CAMKK2: variants seen among roughly 807,000 people sequenced by gnomAD.
CAMKK2 encodes the protein calcium/calmodulin dependent protein kinase kinase 2.
Under a neutral mutation model 67.2 loss-of-function variants are expected in CAMKK2, and 30 were observed. That is an observed-to-expected ratio of 0.45 (90% CI 0.33 to 0.61). The LOEUF is 0.61. CAMKK2 is among the 20% of genes least tolerant of loss of function. CAMKK2 has a pLI of 0.02. For missense variants in CAMKK2, 643 were observed against 802.0 expected (o/e 0.80, Z 2.39); for synonymous variants, 322 against 326.2 (o/e 0.99, Z 0.14).
intron 7 of CAMKK2, among the ~76,000 whole-genome samples, chr12:121,256,537 T>A (rs916751002): frequency 6.6e-6 from 1 of 152,138 alleles, no homozygotes; most frequent in African/African-American, 2.4e-5. Flanking sequence ...CTCATACCCA[T>A]TAGCAGTCAC....
chr12:121,256,934 G>C (rs1206787362), intron 7 of CAMKK2, among the ~76,000 whole-genome samples: 1 of 151,966 alleles, frequency 6.6e-6, no homozygotes, highest in East Asian at 1.9e-4. Context: ...CCTAGGAGTG[G>C]AATTTCTGGG....
chr12:121,260,597 A>C, intron 6 of CAMKK2: 1 of 548,490 alleles, frequency 1.8e-6, no homozygotes, highest in Non-Finnish European at 3.2e-6. Flanking sequence ...AACACTCAGG[A>C]GGTCGCAAAA....
chr12:121,240,490 C>G lies in CAMKK2; in HGVS notation c.*209G>C, dbSNP rs1281557590. ...TCCTCACACCCGCCTGTCCAGCCAGCCAGCGGCCACGGTCGACGTCATGGA... is the reference window on the plus strand; with the variant it reads ...TCCTCACACCCGCCTGTCCAGCCAGGCAGCGGCCACGGTCGACGTCATGGA... On this transcript the variant is annotated 3_prime_UTR_variant, in exon 17 of 17. Coordinates refer to ENST00000404169, the MANE Select transcript of CAMKK2 (RefSeq NM_001270485.2). This position sits in a 1 kb window ranked among gnomAD's most constrained non-coding sequence, Gnocchi z 4.4. The G allele has an allele frequency of 3.3e-6, 5 of 1,535,544 alleles. No homozygotes were observed. The highest frequency in any genetic ancestry group is 4.4e-6 in the Non-Finnish European group (5 of 1,146,862).
intron 5 of CAMKK2, among the ~76,000 whole-genome samples, chr12:121,267,337 C>T (rs866854425): frequency 1.2e-4 from 18 of 151,644 alleles, no homozygotes; most frequent in Admixed American, 1.3e-4. Flanking sequence ...TGATCTCAAA[C>T]TCCTGACCTC....
chr12:121,295,675 T>C (rs1284474223), intron 1 of CAMKK2, among the ~76,000 whole-genome samples: 1 of 152,108 alleles, frequency 6.6e-6, no homozygotes, highest in Non-Finnish European at 1.5e-5. Flanking sequence ...TGTAGGGAGA[T>C]GGACGCTGCA....
intron 3 of CAMKK2, among the ~76,000 whole-genome samples, chr12:121,270,216 A>G (rs929280097): frequency 6.6e-6 from 1 of 152,088 alleles, no homozygotes; most frequent in Non-Finnish European, 1.5e-5. Context: ...CAAAAATTAC[A>G]AAAATTAGCC....
At chr12:121,249,897 G>T in intron 12 of CAMKK2, 23 bp from the exon 13 acceptor site, 1 of 1,612,444 alleles carries the variant, frequency 6.2e-7, no homozygotes, top group Non-Finnish European at 8.5e-7. Flanking sequence ...AGGCGTCAGG[G>T]TGGCAGACAC....
chr12:121,273,539 G>A (rs1052120011), intron 2 of CAMKK2, among the ~76,000 whole-genome samples: 2 of 152,052 alleles, frequency 1.3e-5, no homozygotes, highest in Non-Finnish European at 2.9e-5. Flanking sequence ...GCCAACACAC[G>A]CTCGGCCAGG....
Position 121,245,187 on chromosome 12 carries a change from G to A in CAMKK2, c.1506C>T (p.Gly502=). The change falls in exon 15 of 17, where the codon GGC becomes GGT. Residue 502 remains glycine (G), a synonymous_variant. Transcript: ENST00000404169. The surrounding 1 kb of genome is among the most constrained non-coding windows in gnomAD (Gnocchi z 5.8). The part of the protein sequence containing the change: ...RKRSFGNPFE[G]SRREERSLSA... ...ACAGTGAGCGTTCCTCCCGCCGGCT[G>A]CCCTCGAATGGGTTCCCAAAGGAGC... The A allele has an allele frequency of 6.2e-7, 1 of 1,609,130 alleles. No individual in the cohort carries two copies.
intron 1 of CAMKK2, among the ~76,000 whole-genome samples, chr12:121,287,031 A>T (rs1277630808): frequency 1.3e-5 from 2 of 152,046 alleles, no homozygotes; most frequent in Non-Finnish European, 2.9e-5. Flanking sequence ...TTACCTCCCA[A>T]GTATCTGGGA....
intron 11 of CAMKK2, 143 bp downstream of exon 11, chr12:121,252,518 A>G (rs1473579834): frequency 2.3e-5 from 11 of 477,642 alleles, no homozygotes; most frequent in African/African-American, 1.8e-4. Flanking sequence ...TCAGCCTCCC[A>G]AAGTGCTGGG....
Position 121,250,048 on chromosome 12 carries a change from A to AAT in CAMKK2, c.1162-15_1162-14insAT. Reference sequence around the variant, plus strand: ...CATGAATGGGCACTGCAAAGAGGCCAGGGACAGAGTGGCAGTCAATGGCGG... The same window carrying AAT: ...CATGAATGGGCACTGCAAAGAGGCCAATGGGACAGAGTGGCAGTCAATGGCGG... On this transcript the variant is annotated splice_polypyrimidine_tract_variant and intron_variant, in intron 11 of 16. Coordinates refer to ENST00000404169, the MANE Select transcript of CAMKK2 (RefSeq NM_001270485.2). The AAT allele has an allele frequency of 6.2e-7, 1 of 1,607,394 alleles. No individual in the cohort carries two copies.
chr12:121,258,695 G>A (rs902002006), intron 7 of CAMKK2, among the ~76,000 whole-genome samples: 1 of 152,040 alleles, frequency 6.6e-6, no homozygotes, highest in Non-Finnish European at 1.5e-5. Context: ...CTGCCACCTC[G>A]AGTTGTGAAA....
chr12:121,295,222 G>A (rs1900906575), intron 1 of CAMKK2, among the ~76,000 whole-genome samples: 1 of 152,126 alleles, frequency 6.6e-6, no homozygotes, highest in South Asian at 2.1e-4. Context: ...ATCAAATGAT[G>A]GCTATTACTC....
chr12:121,296,767 G>T (rs868044883), upstream of CAMKK2: 1 of 146,732 alleles, frequency 6.8e-6, no homozygotes, highest in South Asian at 2.1e-4. This position sits in a 1 kb window ranked among gnomAD's most constrained non-coding sequence, Gnocchi z 7.1. Flanking sequence ...GGGCGGGGGC[G>T]GGAGGAGCCG....
In CAMKK2 at chr12:121,248,599, A is replaced by G; in HGVS notation, c.1452+7T>C. Reference sequence around the variant, plus strand: ...CCTGCTCTGGGTCAGGGGTCCATCCACCTTACCACGGTTGCCAAGCTGGGA... The same window carrying G: ...CCTGCTCTGGGTCAGGGGTCCATCCGCCTTACCACGGTTGCCAAGCTGGGA... On this transcript the variant is annotated splice_region_variant and intron_variant, in intron 14 of 16. Transcript: ENST00000404169. 2 of 1,614,056 alleles carry G rather than the reference A, an allele frequency of 1.2e-6. No homozygotes were observed. Among genetic ancestry groups the G allele is most frequent in the East Asian group, 4.5e-5 (2 of 44,870 alleles).
At chr12:121,271,046 G>A (rs920924879) in intron 2 of CAMKK2, 101 bp from the exon 3 acceptor site, 42 of 869,860 alleles carry the variant, frequency 4.8e-5, no homozygotes, top group Non-Finnish European at 7.4e-5. Flanking sequence ...AGACCAAGGT[G>A]GGAGGATCAC....
chr12:121,240,798 C>T lies in CAMKK2; in HGVS notation c.1668G>A (p.Val556=). The change falls in exon 17 of 17, where the codon GTG becomes GTA. Residue 556 remains valine (V), a synonymous_variant. Coordinates refer to ENST00000404169, the MANE Select transcript of CAMKK2 (RefSeq NM_001270485.2). This position sits in a 1 kb window ranked among gnomAD's most constrained non-coding sequence, Gnocchi z 4.4. The stretch of plus-strand genomic sequence containing the variant: ...AACTTTCCACGCAGGGACTGCCTCT[C>T]ACAAGAGCACTTCCTCCTCCCCCAC... The part of the protein sequence containing the change: ...APRGGGGSAL[V]RGSPCVESCW... 2 of 1,611,518 alleles carry T rather than the reference C, an allele frequency of 1.2e-6. No individual in the cohort carries two copies.
intron 14 of CAMKK2, among the ~76,000 whole-genome samples, chr12:121,247,753 G>A (rs1413023758): frequency 1.3e-5 from 2 of 152,206 alleles, no homozygotes; most frequent in Non-Finnish European, 1.5e-5. Flanking sequence ...TGGAGGAGCA[G>A]GAGCAGCATC....
Sources: gnomAD v4.1 joint callset for allele counts (sites outside exome capture counted in the v4.1 genomes callset) on GRCh38, gnomAD v4.1.1 for gene constraint, Gnocchi (gnomAD v3.1) non-coding constraint, MANE v1.5 for transcripts, NCBI Gene and HGNC (gene_info 2026-07-23, HGNC 2026-07-21) for gene names.